The following MGAT4C variants were observed in gnomAD, a reference collection of about 807,000 sequenced individuals.
The protein encoded by MGAT4C is MGAT4 family member C, also known as alpha-1,3-mannosyl-glycoprotein 4-beta-N-acetylglucosaminyltransferase C.
Under a neutral mutation model 40.1 loss-of-function variants are expected in MGAT4C, and 19 were observed. The ratio of observed to expected loss-of-function variants is 0.47; its 90% CI spans 0.33 to 0.70. MGAT4C has a LOEUF of 0.70. Ranked by LOEUF, MGAT4C falls within the 30% of genes least tolerant of loss-of-function variation. The pLI is 0.02. For missense variants in MGAT4C, 491 were observed against 563.2 expected, an observed-to-expected ratio of 0.87 and a Z score of 1.30; for synonymous variants, 181 against 187.1, an observed-to-expected ratio of 0.97 and a Z score of 0.27.
At chr12:86,430,424 T>C (rs1002191351) in intron 3 of MGAT4C, among the ~76,000 whole-genome samples, 2 of 152,170 alleles carry the variant, frequency 1.3e-5, no homozygotes, top group Non-Finnish European at 2.9e-5. Context: ...ATGCATTATT[T>C]AATCTAGCCT....
At chr12:86,065,633 C>T (rs7961905) in intron 1 of MGAT4C, among the ~76,000 whole-genome samples, 87,105 of 151,918 alleles carry the variant, frequency 0.57, 25,609 homozygotes, top group East Asian at 0.93. Context: ...GGAAGCATTC[C>T]CTTTGAAAAA....
At chr12:86,345,719 T>C (rs1393290118) in intron 3 of MGAT4C, among the ~76,000 whole-genome samples, 1 of 152,176 alleles carries the variant, frequency 6.6e-6, no homozygotes, top group Non-Finnish European at 1.5e-5. Flanking sequence ...AACATACATG[T>C]CCATGTGCCT....
At chr12:86,519,848 G>T (rs1039562283) in intron 2 of MGAT4C, among the ~76,000 whole-genome samples, 5 of 152,036 alleles carry the variant, frequency 3.3e-5, no homozygotes, top group Admixed American at 1.3e-4. Flanking sequence ...CTCCCATTCT[G>T]TGGGTTATTA....
chr12:86,055,456 G>A (rs1279623450), intron 1 of MGAT4C, among the ~76,000 whole-genome samples: 1 of 152,044 alleles, frequency 6.6e-6, no homozygotes, highest in Non-Finnish European at 1.5e-5. Flanking sequence ...AACCACATGA[G>A]TAAATACATT....
intron 1 of MGAT4C, among the ~76,000 whole-genome samples, chr12:86,780,614 C>A (rs1951821488): frequency 6.6e-6 from 1 of 152,160 alleles, no homozygotes; most frequent in South Asian, 2.1e-4. Context: ...GTTTCCTGAG[C>A]CTCTCAGCCA....
chr12:86,040,819 G>C (rs999792384), intron 2 of MGAT4C, among the ~76,000 whole-genome samples: 3 of 152,228 alleles, frequency 2.0e-5, no homozygotes, highest in Non-Finnish European at 4.4e-5. Flanking sequence ...GATCCTGGTG[G>C]TGTGGGCACT....
At chr12:86,280,945 T>A (rs1026984797) in intron 4 of MGAT4C, among the ~76,000 whole-genome samples, 7 of 152,128 alleles carry the variant, frequency 4.6e-5, no homozygotes, top group African/African-American at 1.4e-4. Flanking sequence ...ATTATGGCAA[T>A]CTTTGTCTTT....
intron 2 of MGAT4C, among the ~76,000 whole-genome samples, chr12:86,489,769 A>C (rs1958095789): frequency 6.6e-6 from 1 of 152,148 alleles, no homozygotes; most frequent in East Asian, 1.9e-4. Context: ...TTAAGAAATT[A>C]TCCTGCATCA....
At chr12:86,549,154 T>TG (rs1321344077) in intron 2 of MGAT4C, among the ~76,000 whole-genome samples, 1 of 152,194 alleles carries the variant, frequency 6.6e-6, no homozygotes, top group African/African-American at 2.4e-5. Flanking sequence ...TTGACTGTGA[T>TG]GATCTTACAA....
intron 1 of MGAT4C, among the ~76,000 whole-genome samples, chr12:86,773,643 T>G (rs922708350): frequency 6.6e-6 from 1 of 152,114 alleles, no homozygotes; most frequent in Non-Finnish European, 1.5e-5. Flanking sequence ...CCACAAGGCA[T>G]ATAATTCTAC....
At chr12:86,551,110 T>C (rs934707849) in intron 2 of MGAT4C, among the ~76,000 whole-genome samples, 5 of 152,004 alleles carry the variant, frequency 3.3e-5, no homozygotes, top group African/African-American at 1.2e-4. Flanking sequence ...TGTGCCTGTA[T>C]CCAGGCTAGA....
chr12:86,091,223 G>C (rs536643278), intron 1 of MGAT4C, among the ~76,000 whole-genome samples: 1 of 152,102 alleles, frequency 6.6e-6, no homozygotes, highest in Non-Finnish European at 1.5e-5. Context: ...AAGAATAAAA[G>C]CAGTATCCTT....
In MGAT4C at chr12:86,680,028, C is replaced by G. The variant is rs574042823; in HGVS notation, c.-229+47181G>C. Among the ~76,000 whole-genome samples the G allele has an allele frequency of 4.9e-4, 75 of 152,028 alleles. 1 individual carries two copies. Among genetic ancestry groups the G allele is most frequent in the African/African-American group, 1.6e-3 (67 of 41,518 alleles). Reference sequence around the variant, plus strand: ...ATCACACAGGTCTTCCCTCTTGCTACCTCTTTCTATCCCCTTTTCTGGTTG... The same window carrying G: ...ATCACACAGGTCTTCCCTCTTGCTAGCTCTTTCTATCCCCTTTTCTGGTTG... On this transcript the variant is annotated intron_variant, in intron 2 of 7. Coordinates refer to the MGAT4C transcript ENST00000548651.
At chr12:86,518,975 C>T (rs1322867539) in intron 2 of MGAT4C, among the ~76,000 whole-genome samples, 1 of 152,122 alleles carries the variant, frequency 6.6e-6, no homozygotes, top group Non-Finnish European at 1.5e-5. Flanking sequence ...ACCTTATATG[C>T]CATTCTAGAA....
intron 2 of MGAT4C, among the ~76,000 whole-genome samples, chr12:86,655,802 C>T (rs1437855018): frequency 2.0e-5 from 3 of 152,100 alleles, no homozygotes; most frequent in African/African-American, 4.8e-5. Context: ...TATCATTACA[C>T]AGTGGAGTAA....
Position 86,811,620 on chromosome 12 carries a change from G to T in MGAT4C, c.-262+27046C>A, listed in dbSNP as rs1015815789. Among the ~76,000 whole-genome samples, 21 of 151,190 alleles carry T rather than the reference G, an allele frequency of 1.4e-4. 1 individual carries two copies. Among genetic ancestry groups the T allele is most frequent in the African/African-American group, 4.8e-4 (20 of 41,282 alleles). ...GCCTCCCAAAGTGCTGAGATTACAGGCATGACCCAACGTGCCCAGCCAGTA... is the reference window on the plus strand; with the variant it reads ...GCCTCCCAAAGTGCTGAGATTACAGTCATGACCCAACGTGCCCAGCCAGTA... On this transcript the variant is annotated intron_variant, in intron 1 of 7. Coordinates refer to the MGAT4C transcript ENST00000548651.
intron 3 of MGAT4C, among the ~76,000 whole-genome samples, chr12:86,384,369 C>G (rs1209092405): frequency 1.3e-5 from 2 of 152,092 alleles, no homozygotes; most frequent in African/African-American, 2.4e-5. Flanking sequence ...GGATTTTTGA[C>G]AGTGGAAATA....
intron 1 of MGAT4C, among the ~76,000 whole-genome samples, chr12:86,808,252 A>C (rs1364356455): frequency 1.3e-5 from 2 of 152,112 alleles, no homozygotes; most frequent in Admixed American, 1.3e-4. Flanking sequence ...AATTGAAAGG[A>C]GAGACTCCTC....
chr12:86,536,040 G>A (rs1430551907), intron 2 of MGAT4C, among the ~76,000 whole-genome samples: 3 of 151,958 alleles, frequency 2.0e-5, no homozygotes, highest in Non-Finnish European at 4.4e-5. Context: ...AAATTTAAAA[G>A]ATAATAATGA....
Sources: allele counts gnomAD v4.1 joint callset (sites outside exome capture counted in the v4.1 genomes callset), GRCh38; gene constraint gnomAD v4.1.1; transcripts MANE v1.5; gene names NCBI Gene and HGNC (gene_info 2026-07-23, HGNC 2026-07-21).